CD96: variants seen among roughly 807,000 people sequenced by gnomAD.
CD96 encodes the protein CD96 molecule, also known as T-cell surface protein tactile.
A neutral mutation model predicts 71.3 loss-of-function variants in CD96; 70 were observed. The observed-to-expected ratio is 0.98, with a 90% CI of 0.81 to 1.20. The LOEUF (loss-of-function observed/expected upper bound fraction) is 1.20, where lower values mean the gene tolerates loss of function less well. CD96 is among the 50% of genes most tolerant of loss of function. The probability of loss-of-function intolerance (pLI) is 0.00; values close to 1 mark genes in which losing one functional copy is unlikely to be tolerated. For missense variants in CD96, 742 were observed against 677.5 expected (o/e 1.10, Z -1.06); for synonymous variants, 248 against 233.0 (o/e 1.06, Z -0.59).
intron 2 of CD96, among the ~76,000 whole-genome samples, chr3:111,562,550 T>C (rs1200443162): frequency 2.6e-5 from 4 of 152,194 alleles, no homozygotes; most frequent in Non-Finnish European, 4.4e-5. Flanking sequence ...TTTATACTAA[T>C]AGTTATTTTT....
At chr3:111,578,128 A>T (rs551483235) in intron 3 of CD96, among the ~76,000 whole-genome samples, 121 of 152,260 alleles carry the variant, frequency 7.9e-4, no homozygotes, top group African/African-American at 2.8e-3. Flanking sequence ...GGATATGAAG[A>T]CCTAACCCAT....
intron 6 of CD96, among the ~76,000 whole-genome samples, chr3:111,599,054 C>T (rs1349429489): frequency 6.6e-6 from 1 of 151,986 alleles, no homozygotes; most frequent in Non-Finnish European, 1.5e-5. Flanking sequence ...TTGCAAGCTC[C>T]GCCTCCCGGG....
At chr3:111,663,119 G>C (rs1212119753) in intron 14 of CD96, among the ~76,000 whole-genome samples, 1 of 152,200 alleles carries the variant, frequency 6.6e-6, no homozygotes, top group Non-Finnish European at 1.5e-5. Flanking sequence ...AAGCAGGAGA[G>C]AGAGAGAACA....
chr3:111,547,166 C>T (rs1018877464), intron 2 of CD96, among the ~76,000 whole-genome samples: 2 of 152,138 alleles, frequency 1.3e-5, no homozygotes, highest in African/African-American at 4.8e-5. Context: ...GTATCACTAG[C>T]TTGGTGATTA....
Position 111,638,107 on chromosome 3 carries a change from A to G in CD96, c.1416A>G (p.Ala472=). ...ATGTCTTTACCAGCACAGCCAGAGCATTTTCAGAAGTCCCCACAACTGCCA... is the reference window on the plus strand; with the variant it reads ...ATGTCTTTACCAGCACAGCCAGAGCGTTTTCAGAAGTCCCCACAACTGCCA... ...HDNVFTSTAR[A]FSEVPTTANG... The change falls in exon 12 of 14, where the codon GCA becomes GCG. Residue 472 remains alanine, a synonymous_variant. Transcript: ENST00000352690. 2.5e-6 allele frequency: 4 copies of G among 1,610,800 alleles called. No homozygotes were observed. Among genetic ancestry groups the G allele is most frequent in the Non-Finnish European group, 3.4e-6 (4 of 1,177,018 alleles).
At position 111,571,975 on chromosome 3, in the gene CD96, G is replaced by A. The variant is rs567283213; in HGVS notation, c.543+4328G>A. Among the ~76,000 whole-genome samples the A allele has an allele frequency of 6.6e-5, 10 of 152,274 alleles. No individual in the cohort carries two copies. In the South Asian group the frequency reaches 1.9e-3, roughly 28 times the overall value. ...CATGGTTAGAACATCCCACAGCAAG[G>A]AAGTAAAGGAACAGAATGGAAAAAT... On this transcript the variant is annotated intron_variant, in intron 3 of 13. Coordinates refer to ENST00000352690, the MANE Select transcript of CD96 (RefSeq NM_005816.5).
At chr3:111,553,676 A>G (rs1934843338) in intron 2 of CD96, among the ~76,000 whole-genome samples, 1 of 151,970 alleles carries the variant, frequency 6.6e-6, no homozygotes, top group Non-Finnish European at 1.5e-5. Flanking sequence ...GTATAAGAAA[A>G]GCAGAATAGA....
intron 10 of CD96, among the ~76,000 whole-genome samples, chr3:111,635,696 T>C (rs1939294887): frequency 6.6e-6 from 1 of 152,212 alleles, no homozygotes; most frequent in Admixed American, 6.5e-5. Flanking sequence ...ATAATAAACA[T>C]GAAATGGAAA....
At chr3:111,633,409 A>G (rs1460539240) in intron 10 of CD96, among the ~76,000 whole-genome samples, 2 of 152,264 alleles carry the variant, frequency 1.3e-5, no homozygotes, top group African/African-American at 4.8e-5. Flanking sequence ...AATTACCAAA[A>G]TGTGGCACAA....
chr3:111,593,866 C>G, intron 5 of CD96: 1 of 1,613,876 alleles, frequency 6.2e-7, no homozygotes, highest in African/African-American at 1.3e-5. Context: ...CATGGCCACT[C>G]TTCTCCAGCT....
intron 8 of CD96, among the ~76,000 whole-genome samples, chr3:111,607,337 A>G (rs918827173): frequency 4.6e-5 from 7 of 152,224 alleles, no homozygotes; most frequent in African/African-American, 1.7e-4. Context: ...GTTCAAATTA[A>G]TGTTGACAAA....
At chr3:111,594,777 TGGTGCA>T (rs955669891) in intron 5 of CD96, 1 of 167,344 alleles carries the variant, frequency 6.0e-6, no homozygotes, top group African/African-American at 2.4e-5. Context: ...AGGCAGATGC[TGGTGCA>T]GGAGACAATC....
At chr3:111,563,818 T>G (rs911155589) in intron 2 of CD96, among the ~76,000 whole-genome samples, 1 of 152,234 alleles carries the variant, frequency 6.6e-6, no homozygotes, top group Non-Finnish European at 1.5e-5. Context: ...TTTATGTAAA[T>G]GCATCTCCAG....
chr3:111,585,641 A>C (rs1936678834), intron 5 of CD96, among the ~76,000 whole-genome samples: 1 of 152,176 alleles, frequency 6.6e-6, no homozygotes, highest in South Asian at 2.1e-4. Context: ...ATTTGTTTAA[A>C]CTTCTCTTTT....
At chr3:111,542,994 G>A (rs955450224) in intron 1 of CD96, among the ~76,000 whole-genome samples, 6 of 152,122 alleles carry the variant, frequency 3.9e-5, no homozygotes, top group Non-Finnish European at 7.4e-5. Context: ...AAAATATTAA[G>A]GAGAATTTCT....
chr3:111,591,075 T>C (rs1390123648), intron 5 of CD96, among the ~76,000 whole-genome samples: 2 of 152,156 alleles, frequency 1.3e-5, no homozygotes, highest in Non-Finnish European at 2.9e-5. Flanking sequence ...TTAATAACCA[T>C]GTAAAACAGA....
intron 10 of CD96, among the ~76,000 whole-genome samples, chr3:111,629,909 A>G (rs998661461): frequency 9.2e-5 from 14 of 152,238 alleles, no homozygotes; most frequent in Non-Finnish European, 1.5e-4. Flanking sequence ...CTGCTCCTGA[A>G]TGACTTTCAG....
chr3:111,567,710 A>G (rs190624304), intron 3 of CD96, 63 bp downstream of exon 3: 46 of 1,362,120 alleles, frequency 3.4e-5, no homozygotes, highest in Middle Eastern at 3.6e-4. Flanking sequence ...AAGTAAAATG[A>G]ATAAGCAGTA....
intron 7 of CD96, among the ~76,000 whole-genome samples, chr3:111,603,578 T>G (rs1937548039): frequency 1.3e-5 from 2 of 152,376 alleles, no homozygotes; most frequent in Admixed American, 6.5e-5. Context: ...GGAGACATTT[T>G]GTCTTGTTTT....
Sources: gnomAD v4.1 joint callset for allele counts (sites outside exome capture counted in the v4.1 genomes callset) on GRCh38, gnomAD v4.1.1 for gene constraint, MANE v1.5 for transcripts, NCBI Gene and HGNC (gene_info 2026-07-23, HGNC 2026-07-21) for gene names.